Variants in TSGA10 observed in about 807,000 individuals in gnomAD.
The protein encoded by TSGA10 is testis-specific gene 10 protein.
In TSGA10, 43 loss-of-function variants were observed where a neutral mutation model predicts 96.6. The observed-to-expected ratio is 0.44, with a 90% CI of 0.35 to 0.57. TSGA10 has a LOEUF of 0.57. Among genes scored for constraint, TSGA10 ranks in the 20% least tolerant of loss-of-function variants. The probability of loss-of-function intolerance (pLI) is 0.01; values close to 1 mark genes in which losing one functional copy is unlikely to be tolerated. For missense variants in TSGA10, 703 were observed against 834.4 expected (o/e 0.84, Z 1.94); for synonymous variants, 229 against 269.9 (o/e 0.85, Z 1.48).
chr2:99,009,308 A>C (rs1323066006), intron 20 of TSGA10, among the ~76,000 whole-genome samples: 1 of 152,172 alleles, frequency 6.6e-6, no homozygotes, highest in Non-Finnish European at 1.5e-5. Context: ...ATACAGGCCT[A>C]AGAAGGAAGA....
chr2:99,076,934 T>A (rs999591352), intron 12 of TSGA10, among the ~76,000 whole-genome samples: 1 of 152,074 alleles, frequency 6.6e-6, no homozygotes, highest in African/African-American at 2.4e-5. Context: ...CCAGGCACCA[T>A]CACTTAATGG....
intron 4 of TSGA10, among the ~76,000 whole-genome samples, chr2:99,113,024 A>G (rs912786300): frequency 6.6e-6 from 1 of 151,772 alleles, no homozygotes; most frequent in Non-Finnish European, 1.5e-5. Flanking sequence ...TAAAAATATA[A>G]ATTATAGGAA....
chr2:99,087,481 C>T (rs1354219394), intron 10 of TSGA10, among the ~76,000 whole-genome samples: 3 of 151,918 alleles, frequency 2.0e-5, no homozygotes, highest in African/African-American at 7.3e-5. Context: ...ACTCCAGCCT[C>T]GGCAACAAAA....
intron 15 of TSGA10, among the ~76,000 whole-genome samples, chr2:99,066,477 C>T (rs569976297): frequency 9.8e-5 from 15 of 152,288 alleles, no homozygotes; most frequent in African/African-American, 2.6e-4. Context: ...AACTGCCTTA[C>T]AGCTTTGTGT....
intron 11 of TSGA10, 29 bp downstream of exon 11, chr2:99,081,253 A>G (rs772571214): frequency 2.3e-6 from 3 of 1,281,426 alleles, no homozygotes; most frequent in South Asian, 1.5e-5. Flanking sequence ...AAGAAAAACT[A>G]AAAGTAATAT....
chr2:99,148,976 T>C (rs2093660391), intron 1 of TSGA10, among the ~76,000 whole-genome samples: 1 of 151,594 alleles, frequency 6.6e-6, no homozygotes, highest in African/African-American at 2.4e-5. Flanking sequence ...AAATAAAATA[T>C]AGACTGGAAA....
chr2:99,130,006 T>C (rs992245617), intron 1 of TSGA10, among the ~76,000 whole-genome samples: 3 of 152,240 alleles, frequency 2.0e-5, no homozygotes, highest in Non-Finnish European at 4.4e-5. Flanking sequence ...ATGGTGTATA[T>C]GTGCCACATT....
chr2:99,022,437 C>A (rs189785468), intron 17 of TSGA10, among the ~76,000 whole-genome samples: 2 of 149,996 alleles, frequency 1.3e-5, no homozygotes, highest in Admixed American at 1.3e-4. Flanking sequence ...TCCATATAAA[C>A]GGAAACAAAC....
chr2:99,153,938 T>C (rs1226325894), intron 1 of TSGA10, among the ~76,000 whole-genome samples: 2 of 152,192 alleles, frequency 1.3e-5, no homozygotes, highest in African/African-American at 4.8e-5. Flanking sequence ...CTGTGCAAGG[T>C]TGAAAAAGGT....
At chr2:99,026,910 G>T (rs1346975273) in intron 17 of TSGA10, among the ~76,000 whole-genome samples, 3 of 152,198 alleles carry the variant, frequency 2.0e-5, no homozygotes, top group Non-Finnish European at 4.4e-5. Context: ...TTTTTCCATG[G>T]ACAGCAGTCG....
chr2:99,137,716 T>C (rs2093382903), intron 1 of TSGA10, among the ~76,000 whole-genome samples: 1 of 152,008 alleles, frequency 6.6e-6, no homozygotes, highest in Non-Finnish European at 1.5e-5. Flanking sequence ...AGGTGGGAGA[T>C]GATGGTGACT....
At chr2:99,144,649 C>CAAA (rs70940140) in intron 1 of TSGA10, among the ~76,000 whole-genome samples, 10 of 52,248 alleles carry the variant, frequency 1.9e-4, no homozygotes, top group Non-Finnish European at 2.4e-4. Context: ...AACTCTGTCT[C>CAAA]AAAAAAAAAA....
chr2:99,044,182 T>A (rs1461898207), intron 16 of TSGA10, among the ~76,000 whole-genome samples: 2 of 151,990 alleles, frequency 1.3e-5, no homozygotes, highest in African/African-American at 4.8e-5. Context: ...ATAACAATAT[T>A]AACCTTAAAT....
At chr2:99,089,424 G>A (rs2088994539) in intron 10 of TSGA10, among the ~76,000 whole-genome samples, 1 of 152,156 alleles carries the variant, frequency 6.6e-6, no homozygotes, top group Admixed American at 6.5e-5. Flanking sequence ...AAGAGGTGAA[G>A]CTCAAGTGCA....
chr2:99,060,056 T>G (rs759403617), intron 16 of TSGA10, among the ~76,000 whole-genome samples: 2 of 152,086 alleles, frequency 1.3e-5, no homozygotes, highest in Non-Finnish European at 2.9e-5. Context: ...TACTGATATT[T>G]GAAGTACTAG....
chr2:99,102,389 A>C, intron 10 of TSGA10: 4 of 1,613,782 alleles, frequency 2.5e-6, no homozygotes, highest in Non-Finnish European at 3.4e-6. Context: ...CTGGAGTTGG[A>C]ATTAGGGTGT....
At chr2:99,042,071 C>T (rs1168261175) in intron 16 of TSGA10, among the ~76,000 whole-genome samples, 2 of 133,574 alleles carry the variant, frequency 1.5e-5, no homozygotes, top group Admixed American at 1.6e-4. Flanking sequence ...GAGACAGGGT[C>T]TTACTCTGTT....
intron 10 of TSGA10, among the ~76,000 whole-genome samples, chr2:99,096,151 TTTA>T (rs1183739672): frequency 6.6e-6 from 1 of 152,204 alleles, no homozygotes; most frequent in Non-Finnish European, 1.5e-5. Context: ...AAAACTAGTA[TTTA>T]TTGAGTACAT....
intron 18 of TSGA10, 111 bp from the exon 19 acceptor site, chr2:99,018,751 T>A: frequency 2.2e-6 from 2 of 901,430 alleles, no homozygotes; most frequent in Non-Finnish European, 3.3e-6. Context: ...CCAAATCACA[T>A]TGTGATTTTT....
Sources: gnomAD v4.1 joint callset for allele counts (sites outside exome capture counted in the v4.1 genomes callset) on GRCh38, gnomAD v4.1.1 for gene constraint, MANE v1.5 for transcripts, NCBI Gene and HGNC (gene_info 2026-07-23, HGNC 2026-07-21) for gene names.